NPEPPS: variants seen among roughly 807,000 people sequenced by gnomAD.
The protein encoded by NPEPPS is aminopeptidase puromycin sensitive.
Under a neutral mutation model 115.5 loss-of-function variants are expected in NPEPPS, and 14 were observed. The observed-to-expected ratio is 0.12, with a 90% CI of 0.08 to 0.19. NPEPPS has a LOEUF of 0.19. NPEPPS is among the 10% of genes least tolerant of loss of function. The probability of loss-of-function intolerance (pLI) is 1.00; values close to 1 mark genes in which losing one functional copy is unlikely to be tolerated. For missense variants in NPEPPS, 523 were observed against 1,110.8 expected (o/e 0.47, Z 7.52); for synonymous variants, 285 against 390.6 (o/e 0.73, Z 3.19).
intron 1 of NPEPPS, among the ~76,000 whole-genome samples, chr17:47,537,187 T>TA (rs909743065): frequency 6.6e-6 from 1 of 151,840 alleles, no homozygotes; most frequent in Non-Finnish European, 1.5e-5. Flanking sequence ...GAAATTTTCT[T>TA]AAAAAAAATT....
chr17:47,587,238 C>T lies in NPEPPS; in HGVS notation c.989C>T (p.Ala330Val). The change falls in exon 9 of 23, where the codon GCA becomes GTA. Residue 330 changes from alanine to valine, a missense_variant. Physicochemically the swap from Ala to Val is moderately conservative, Grantham distance 64. Coordinates refer to ENST00000322157, the MANE Select transcript of NPEPPS (RefSeq NM_006310.4). ...TTTTTTTTTAAACACAGGGAGACTG[C>T]ATTGCTTATTGATCCAAAAAATTCC... ...NWGLVTYRET[A>V]LLIDPKNSCS... 1.3e-6 allele frequency: 2 copies of T among 1,580,384 alleles called. No homozygotes were observed. Among genetic ancestry groups the T allele is most frequent in the Non-Finnish European group, 1.7e-6 (2 of 1,167,418 alleles).
chr17:47,560,113 G>A (rs3907146), intron 2 of NPEPPS, among the ~76,000 whole-genome samples: 1 of 152,096 alleles, frequency 6.6e-6, no homozygotes, highest in South Asian at 2.1e-4. Flanking sequence ...TTTAAGGAGA[G>A]GTTTTCCCTT....
At chr17:47,618,807 C>CTG (rs1914365384) in intron 20 of NPEPPS, among the ~76,000 whole-genome samples, 1 of 152,212 alleles carries the variant, frequency 6.6e-6, no homozygotes, top group Non-Finnish European at 1.5e-5. Flanking sequence ...CTGTCTGAAC[C>CTG]TGTCTCAGTA....
chr17:47,618,527 C>A, intron 20 of NPEPPS, 70 bp downstream of exon 20: 1 of 1,071,958 alleles, frequency 9.3e-7, no homozygotes, highest in Non-Finnish European at 1.4e-6. Context: ...TCTGATTCAG[C>A]TCTGATCCTC....
chr17:47,585,750 G>C (rs745698971), intron 6 of NPEPPS, 50 bp downstream of exon 6: 11 of 1,342,236 alleles, frequency 8.2e-6, no homozygotes, highest in Non-Finnish European at 1.2e-5. Context: ...CTCCAGGTTG[G>C]GGAATTTACA....
intron 1 of NPEPPS, among the ~76,000 whole-genome samples, chr17:47,542,963 C>T (rs1192346020): frequency 6.6e-6 from 1 of 151,632 alleles, no homozygotes; most frequent in Admixed American, 6.6e-5. Flanking sequence ...AAGGTGAAAC[C>T]CCATCTCTAC....
chr17:47,566,498 GT>G (rs1440072028), intron 2 of NPEPPS, among the ~76,000 whole-genome samples: 1 of 143,240 alleles, frequency 7.0e-6, no homozygotes, highest in Non-Finnish European at 1.5e-5. Context: ...ACAGCTGTAG[GT>G]TTTTTGTTTT....
chr17:47,608,478 AG>A (rs996888513), intron 17 of NPEPPS, among the ~76,000 whole-genome samples: 3 of 139,566 alleles, frequency 2.1e-5, no homozygotes, highest in Non-Finnish European at 4.7e-5. Flanking sequence ...AAAAAAAGTG[AG>A]GGGGTGGGAA....
chr17:47,600,357 G>A (rs1330873962), intron 14 of NPEPPS, among the ~76,000 whole-genome samples: 1 of 152,150 alleles, frequency 6.6e-6, no homozygotes, highest in Admixed American at 6.6e-5. Flanking sequence ...AATTGCTTGA[G>A]CCCATGAGAT....
chr17:47,531,980 C>G (rs1907818684), intron 1 of NPEPPS, among the ~76,000 whole-genome samples: 1 of 152,118 alleles, frequency 6.6e-6, no homozygotes, highest in Non-Finnish European at 1.5e-5. Context: ...CCACCTGACT[C>G]AGTTCTTTCT....
chr17:47,552,649 A>G (rs1008880874), intron 2 of NPEPPS, among the ~76,000 whole-genome samples: 20 of 152,296 alleles, frequency 1.3e-4, no homozygotes, highest in Admixed American at 2.6e-4. Flanking sequence ...AAATAGCCTT[A>G]AGGTGATATG....
At chr17:47,563,644 C>T (rs958767205) in intron 2 of NPEPPS, among the ~76,000 whole-genome samples, 5 of 151,794 alleles carry the variant, frequency 3.3e-5, no homozygotes, top group African/African-American at 9.7e-5. Context: ...GATCTCGGCT[C>T]GCTGCAAGCT....
At chr17:47,574,358 G>A (rs1398759187) in intron 3 of NPEPPS, among the ~76,000 whole-genome samples, 9 of 151,950 alleles carry the variant, frequency 5.9e-5, no homozygotes, top group South Asian at 2.1e-4. Flanking sequence ...AGATTGAATT[G>A]TTGTTCAGCA....
chr17:47,604,552 C>T (rs879196628), intron 16 of NPEPPS, among the ~76,000 whole-genome samples: 2 of 152,286 alleles, frequency 1.3e-5, no homozygotes, highest in Admixed American at 6.5e-5. Context: ...ATGACTTCAG[C>T]GTAGGTTAGG....
intron 13 of NPEPPS, among the ~76,000 whole-genome samples, chr17:47,597,543 A>C (rs1912955851): frequency 6.6e-6 from 1 of 152,002 alleles, no homozygotes; most frequent in Non-Finnish European, 1.5e-5. Flanking sequence ...TTATATTTTA[A>C]AAAATTGGGA....
intron 17 of NPEPPS, among the ~76,000 whole-genome samples, chr17:47,605,759 G>T (rs11869926): frequency 0.02 from 3,060 of 152,318 alleles, 86 homozygotes; most frequent in East Asian, 0.16. Context: ...TGTGTTCGAT[G>T]CTAAATATAA....
chr17:47,610,120 CCT>C (rs1913751515), intron 17 of NPEPPS, among the ~76,000 whole-genome samples: 3 of 151,674 alleles, frequency 2.0e-5, no homozygotes, highest in African/African-American at 7.3e-5. Context: ...GCAACTATCA[CCT>C]CTATATTTCC....
intron 2 of NPEPPS, among the ~76,000 whole-genome samples, chr17:47,562,724 T>C (rs1474275430): frequency 6.6e-6 from 1 of 151,526 alleles, no homozygotes; most frequent in African/African-American, 2.4e-5. Flanking sequence ...CCATTTCATC[T>C]GCTAAATCGT....
At chr17:47,592,689 T>G (rs1020969479) in intron 12 of NPEPPS, 144 bp downstream of exon 12, 1 of 665,234 alleles carries the variant, frequency 1.5e-6, no homozygotes, top group Non-Finnish European at 2.5e-6. Context: ...GTGTTCAGGT[T>G]GAATATCTCT....
Sources: gnomAD v4.1 joint callset for allele counts (sites outside exome capture counted in the v4.1 genomes callset) on GRCh38, gnomAD v4.1.1 for gene constraint, MANE v1.5 for transcripts, NCBI Gene and HGNC (gene_info 2026-07-23, HGNC 2026-07-21) for gene names.